The following WASL variants were observed in gnomAD, a reference collection of about 807,000 sequenced individuals.
WASL encodes WASP like actin nucleation promoting factor.
WASL carries 20 observed loss-of-function variants against 55.5 expected under a neutral mutation model. That is an observed-to-expected ratio of 0.36 (90% CI 0.25 to 0.52). WASL has a LOEUF of 0.52. WASL is among the 20% of genes least tolerant of loss of function. The pLI is 0.92. For missense variants in WASL, 504 were observed against 622.5 expected, an observed-to-expected ratio of 0.81 and a Z score of 2.03; for synonymous variants, 249 against 217.6, an observed-to-expected ratio of 1.14 and a Z score of -1.27.
chr7:123,727,345 AAT>A lies in WASL; in HGVS notation c.118-18124_118-18123del, dbSNP rs1013725060. On this transcript the variant is annotated intron_variant, in intron 1 of 10. Coordinates refer to ENST00000223023, the MANE Select transcript of WASL (RefSeq NM_003941.4). Reference sequence around the variant, plus strand: ...GAGCTATTTGCCCAAAAGAAATAAAAATATGTGTCACACACACACACACACAC... The same window carrying A: ...GAGCTATTTGCCCAAAAGAAATAAAAATGTGTCACACACACACACACACAC... 1.3e-3 allele frequency among the ~76,000 whole-genome samples: 165 copies of A among 130,268 alleles called. 1 individual carries two copies. The highest frequency in any genetic ancestry group is 4.6e-3 in the African/African-American group (158 of 34,132). 85.5% of individuals were successfully genotyped at this position (130,268 alleles called of 152,430 possible).
intron 10 of WASL, among the ~76,000 whole-genome samples, chr7:123,688,185 T>C (rs1803327861): frequency 6.6e-6 from 1 of 152,204 alleles, no homozygotes; most frequent in Non-Finnish European, 1.5e-5. Context: ...ATATGTTTAA[T>C]AATAACCTCA....
At chr7:123,712,820 A>G (rs140481071) in intron 1 of WASL, among the ~76,000 whole-genome samples, 78 of 152,310 alleles carry the variant, frequency 5.1e-4, no homozygotes, top group African/African-American at 1.7e-3. Context: ...AACTTTCTTA[A>G]AAGTTCTATC....
rs1803496764 is a variant in WASL at position 123,696,637 on chromosome 7, CCTT to C, written c.568_570del (p.Lys190del). 8.7e-6 allele frequency: 14 copies of C among 1,601,186 alleles called. No individual in the cohort carries two copies. Among genetic ancestry groups the C allele is most frequent in the Non-Finnish European group, 1.1e-5 (13 of 1,173,492 alleles). ...GTTAATCTCTTCTTTTTAGCTTTTC[CCTT>C]CTTCTTTTCTTTGGTATGGGAGATG... On this transcript the variant is annotated inframe_deletion, in exon 6 of 11. Coordinates refer to ENST00000223023, the MANE Select transcript of WASL (RefSeq NM_003941.4).
chr7:123,694,650 G>T (rs1803464900), intron 8 of WASL, 65 bp downstream of exon 8: 1 of 1,565,668 alleles, frequency 6.4e-7, no homozygotes, highest in African/African-American at 1.4e-5. Context: ...ATGTTAACTG[G>T]TTTCCATGAA....
intron 1 of WASL, among the ~76,000 whole-genome samples, chr7:123,718,896 C>G (rs888415195): frequency 2.0e-5 from 3 of 152,192 alleles, no homozygotes; most frequent in East Asian, 3.8e-4. Context: ...TTCTTTCATT[C>G]AAGTATCTGT....
At chr7:123,729,581 T>C (rs1584871055) in intron 1 of WASL, among the ~76,000 whole-genome samples, 3 of 152,216 alleles carry the variant, frequency 2.0e-5, no homozygotes, top group Admixed American at 6.5e-5. Context: ...AATGAACAGG[T>C]TGATGTAAAG....
chr7:123,748,062 A>G (rs1804467731), intron 1 of WASL, among the ~76,000 whole-genome samples: 1 of 152,110 alleles, frequency 6.6e-6, no homozygotes, highest in African/African-American at 2.4e-5. Context: ...TTTCTCTTTA[A>G]CGAAGAGCAA....
At chr7:123,732,855 ATTC>A (rs1804163534) in intron 1 of WASL, among the ~76,000 whole-genome samples, 1 of 152,264 alleles carries the variant, frequency 6.6e-6, no homozygotes, top group Non-Finnish European at 1.5e-5. Context: ...AGTGAAATTT[ATTC>A]TAGGTATGCA....
Position 123,692,776 on chromosome 7 carries a change from T to C in WASL, c.918A>G (p.Gly306=). ...AAGGTGGTGGGGGAGGAGCGCCTCT[T>C]CCCCTAGCAGGAGGAGGAGGAGGAC... The part of the protein sequence containing the change: ...NSGPPPPPAR[G]RGAPPPPPSR... Residue 306 remains glycine (G), a synonymous_variant, in exon 9 of 11, where the codon GGA becomes GGG. Coordinates refer to ENST00000223023, the MANE Select transcript of WASL (RefSeq NM_003941.4). 6.8e-7 allele frequency: 1 copy of C among 1,474,748 alleles called. No individual in the cohort carries two copies. The highest frequency in any genetic ancestry group is 9.0e-7 in the Non-Finnish European group (1 of 1,113,292). The allele number at this position is 1,474,748 out of a possible 1,614,324, so 91.4% of individuals were successfully genotyped here. A position where few individuals can be genotyped will look rare whatever the true frequency, so the allele number is the denominator to read the frequency against.
At chr7:123,706,906 A>C (rs928140058) in intron 2 of WASL, 80 bp from the exon 3 acceptor site, 1 of 780,924 alleles carries the variant, frequency 1.3e-6, no homozygotes, top group Non-Finnish European at 2.0e-6. Flanking sequence ...GACTCATATT[A>C]AGAAAACTGT....
intron 5 of WASL, among the ~76,000 whole-genome samples, chr7:123,700,166 A>C: frequency 8.2e-6 from 1 of 121,508 alleles, no homozygotes; most frequent in Non-Finnish European, 1.7e-5. Flanking sequence ...ACAGAGCGAA[A>C]CTCCGTCTCA....
chr7:123,733,404 C>T (rs1404077787), intron 1 of WASL, among the ~76,000 whole-genome samples: 1 of 152,010 alleles, frequency 6.6e-6, no homozygotes, highest in Non-Finnish European at 1.5e-5. Context: ...CACAGCACCA[C>T]CTATATTAGT....
In WASL at chr7:123,748,505, G is replaced by A. The variant is rs569966322; in HGVS notation, c.117+113C>T. ...GGCCGGGGCCGGGGCCGGGGCTGGC[G>A]GGAGGCCTGGCCCGCGCCGCTCCCG... On this transcript the variant is annotated intron_variant, in intron 1 of 10. Transcript: ENST00000223023. The A allele has an allele frequency of 4.5e-6, 5 of 1,109,110 alleles. No individual in the cohort carries two copies. In the South Asian group the frequency reaches 5.7e-5, roughly 13 times the overall value. 68.7% of individuals were successfully genotyped at this position (1,109,110 alleles called of 1,614,324 possible). A position where few individuals can be genotyped will look rare whatever the true frequency, so the allele number is the denominator to read the frequency against.
intron 1 of WASL, among the ~76,000 whole-genome samples, chr7:123,730,396 T>G (rs1280617380): frequency 6.6e-6 from 1 of 152,032 alleles, no homozygotes; most frequent in Non-Finnish European, 1.5e-5. Flanking sequence ...ATAAATAAAA[T>G]TAATGACAGT....
intron 1 of WASL, among the ~76,000 whole-genome samples, chr7:123,731,395 T>C (rs1804134397): frequency 1.3e-5 from 2 of 152,130 alleles, no homozygotes; most frequent in Admixed American, 6.5e-5. Flanking sequence ...CTATCAGTGA[T>C]TGACAAGTGG....
chr7:123,688,446 T>A (rs1803333593), intron 10 of WASL, among the ~76,000 whole-genome samples: 1 of 152,106 alleles, frequency 6.6e-6, no homozygotes, highest in Admixed American at 6.5e-5. Context: ...CCACAACCTC[T>A]GCCTCCTGGG....
In WASL at chr7:123,704,609, G is replaced by C. The variant is rs190571439; in HGVS notation, c.460+25C>G. ...TAAACTGTCATCTAAAATCTTAAAA[G>C]ATTAATAATTGTCAAAAAGCTTACC... On this transcript the variant is annotated intron_variant, in intron 5 of 10. Coordinates refer to ENST00000223023, the MANE Select transcript of WASL (RefSeq NM_003941.4). 4.3e-3 allele frequency: 6,393 copies of C among 1,502,410 alleles called. 28 individuals are homozygous for C. The highest frequency in any genetic ancestry group is 4.5e-3 in the Non-Finnish European group (4,953 of 1,098,178). 93.1% of individuals were successfully genotyped at this position (1,502,410 alleles called of 1,614,324 possible).
chr7:123,748,593 G>A (rs757129051), intron 1 of WASL, 25 bp downstream of exon 1: 31 of 1,610,174 alleles, frequency 1.9e-5, no homozygotes, highest in Admixed American at 3.3e-5. Flanking sequence ...TGTCACGGGT[G>A]GCGACGCGGG....
chr7:123,715,838 A>G (rs909680585), intron 1 of WASL, among the ~76,000 whole-genome samples: 1 of 152,198 alleles, frequency 6.6e-6, no homozygotes, highest in African/African-American at 2.4e-5. Context: ...TAAACAATCA[A>G]AATTAGATGT....
Sources: allele counts gnomAD v4.1 joint callset (sites outside exome capture counted in the v4.1 genomes callset), GRCh38; gene constraint gnomAD v4.1.1; transcripts MANE v1.5; gene names NCBI Gene and HGNC (gene_info 2026-07-23, HGNC 2026-07-21).